Variants in ATE1 observed in about 807,000 individuals in gnomAD.
ATE1 encodes the protein arginyltransferase 1.
In ATE1, 36 loss-of-function variants were observed where a neutral mutation model predicts 70.5. That is an observed-to-expected ratio of 0.51 (90% confidence interval 0.39 to 0.67). The LOEUF (loss-of-function observed/expected upper bound fraction) is 0.67. ATE1 is among the 30% of genes least tolerant of loss of function. The pLI, the probability that ATE1 is intolerant of heterozygous loss-of-function variation, is 0.00. For synonymous variants in ATE1, 232 were observed against 219.3 expected, an observed-to-expected ratio of 1.06 and a Z score of -0.51; for missense variants, 593 against 629.5, an observed-to-expected ratio of 0.94 and a Z score of 0.62.
intron 4 of ATE1, 83 bp from the exon 5 acceptor site, chr10:121,911,234 A>G: frequency 6.7e-7 from 1 of 1,493,512 alleles, no homozygotes; most frequent in Non-Finnish European, 9.0e-7. Flanking sequence ...TGTTCCTATT[A>G]TCCATTGTGG....
chr10:121,871,066 C>A (rs1477266424), intron 7 of ATE1, among the ~76,000 whole-genome samples: 3 of 152,178 alleles, frequency 2.0e-5, no homozygotes, highest in Admixed American at 1.3e-4. Flanking sequence ...TAGAGTTACA[C>A]ATTGAAATAT....
At chr10:121,761,196 G>A (rs1945025234) in intron 11 of ATE1, among the ~76,000 whole-genome samples, 1 of 152,178 alleles carries the variant, frequency 6.6e-6, no homozygotes, top group African/African-American at 2.4e-5. Flanking sequence ...AAGCTGAGCA[G>A]GTGCCAGTGC....
At chr10:121,835,326 A>G (rs1353641053) in intron 10 of ATE1, among the ~76,000 whole-genome samples, 1 of 152,056 alleles carries the variant, frequency 6.6e-6, no homozygotes. Flanking sequence ...CTGGTCTCTC[A>G]AAGCCAGTGT....
chr10:121,778,001 G>A lies in ATE1; in HGVS notation c.1378+12168C>T, dbSNP rs75681454. On this transcript the variant is annotated intron_variant, in intron 11 of 11. Coordinates refer to ENST00000224652, the MANE Select transcript of ATE1 (RefSeq NM_001001976.3). Reference sequence around the variant, plus strand: ...ACATTGAAAATAAGATCTGTAATTTGCATTTAAACCTTTAAAGAAGAAACA... The same window carrying A: ...ACATTGAAAATAAGATCTGTAATTTACATTTAAACCTTTAAAGAAGAAACA... Among the ~76,000 whole-genome samples the A allele has an allele frequency of 8.5e-5, 13 of 152,230 alleles. No homozygotes were observed. The East Asian group carries it at 1.7e-3, about 20-fold the overall frequency.
chr10:121,893,592 A>G (rs951714655), intron 7 of ATE1, among the ~76,000 whole-genome samples: 1 of 152,142 alleles, frequency 6.6e-6, no homozygotes, highest in Non-Finnish European at 1.5e-5. Context: ...TATAACAATA[A>G]TGGCACAAAA....
At chr10:121,880,397 C>G (rs1770171461) in intron 7 of ATE1, among the ~76,000 whole-genome samples, 1 of 152,002 alleles carries the variant, frequency 6.6e-6, no homozygotes. Flanking sequence ...CTATGCATCC[C>G]TAGTATCTAC....
intron 11 of ATE1, among the ~76,000 whole-genome samples, chr10:121,749,059 T>C (rs1944478862): frequency 6.6e-6 from 1 of 152,200 alleles, no homozygotes; most frequent in Non-Finnish European, 1.5e-5. Context: ...AGTTTTCCCA[T>C]GAACACACTT....
intron 10 of ATE1, among the ~76,000 whole-genome samples, chr10:121,832,153 T>C (rs1948264022): frequency 6.6e-6 from 1 of 152,220 alleles, no homozygotes; most frequent in Admixed American, 6.5e-5. Flanking sequence ...GATACTCTTT[T>C]CTGATCTCTG....
At chr10:121,849,513 C>T (rs535123977) in intron 8 of ATE1, among the ~76,000 whole-genome samples, 41 of 152,228 alleles carry the variant, frequency 2.7e-4, no homozygotes, top group African/African-American at 9.6e-4. Context: ...TGGGGTCTTC[C>T]CCAAATGCAG....
At chr10:121,814,966 A>G (rs1429650370) in intron 10 of ATE1, among the ~76,000 whole-genome samples, 3 of 152,258 alleles carry the variant, frequency 2.0e-5, no homozygotes, top group Non-Finnish European at 4.4e-5. Flanking sequence ...TAAAAAAGAT[A>G]AAGTGTATTT....
At chr10:121,797,100 G>A (rs1307266738) in intron 10 of ATE1, among the ~76,000 whole-genome samples, 2 of 152,128 alleles carry the variant, frequency 1.3e-5, no homozygotes, top group Non-Finnish European at 2.9e-5. Context: ...TATGTACGTG[G>A]AAAAATTGGA....
intron 11 of ATE1, among the ~76,000 whole-genome samples, chr10:121,760,273 T>A (rs1399705078): frequency 1.3e-5 from 2 of 152,230 alleles, no homozygotes; most frequent in Non-Finnish European, 2.9e-5. Context: ...AAGAAATACA[T>A]TTCATAAGGC....
At chr10:121,807,809 G>A (rs773002108) in intron 10 of ATE1, among the ~76,000 whole-genome samples, 4 of 152,066 alleles carry the variant, frequency 2.6e-5, no homozygotes, top group Non-Finnish European at 4.4e-5. Flanking sequence ...ATTTTTCAAT[G>A]GTTGAAAACA....
chr10:121,800,640 C>T (rs571983516), intron 10 of ATE1, among the ~76,000 whole-genome samples: 138 of 152,012 alleles, frequency 9.1e-4, no homozygotes, highest in Non-Finnish European at 1.8e-3. Context: ...CACACACAGC[C>T]ACTGAACATT....
intron 11 of ATE1, among the ~76,000 whole-genome samples, chr10:121,779,136 C>G (rs537189052): frequency 6.6e-6 from 1 of 152,322 alleles, no homozygotes; most frequent in African/African-American, 2.4e-5. Flanking sequence ...TTTGACCTTT[C>G]TATGTCATCT....
intron 10 of ATE1, among the ~76,000 whole-genome samples, chr10:121,811,203 C>T (rs540691225): frequency 6.6e-6 from 1 of 152,138 alleles, no homozygotes; most frequent in East Asian, 1.9e-4. Context: ...TAAAGGACCA[C>T]TGGTTCAAAA....
chr10:121,858,438 G>T (rs1056921395), intron 8 of ATE1, among the ~76,000 whole-genome samples: 2 of 151,540 alleles, frequency 1.3e-5, no homozygotes, highest in African/African-American at 2.4e-5. Flanking sequence ...CTGAACAAAT[G>T]ACAAACATTT....
At chr10:121,832,402 C>T (rs1948274097) in intron 10 of ATE1, among the ~76,000 whole-genome samples, 1 of 152,184 alleles carries the variant, frequency 6.6e-6, no homozygotes, top group Non-Finnish European at 1.5e-5. Context: ...GCACTATCCC[C>T]TAACAGAGCT....
upstream of ATE1, chr10:121,928,077 C>T (rs1952179995): frequency 8.3e-7 from 1 of 1,207,874 alleles, no homozygotes; most frequent in Non-Finnish European, 1.0e-6. Flanking sequence ...CGGGCGCCCG[C>T]AGGCCCGGCC....
Sources: allele counts gnomAD v4.1 joint callset (sites outside exome capture counted in the v4.1 genomes callset), GRCh38; gene constraint gnomAD v4.1.1; transcripts MANE v1.5; gene names NCBI Gene and HGNC (gene_info 2026-07-23, HGNC 2026-07-21).